CXADR: variants seen among roughly 807,000 people sequenced by gnomAD.
CXADR encodes CXADR cell adhesion molecule, also known as coxsackievirus and adenovirus receptor.
In CXADR, 20 loss-of-function variants were observed where a neutral mutation model predicts 40.3. That is an observed-to-expected ratio of 0.50 (90% CI 0.35 to 0.72). The LOEUF (loss-of-function observed/expected upper bound fraction) is 0.72. Ranked by LOEUF, CXADR falls within the 30% of genes least tolerant of loss-of-function variation. CXADR has a pLI of 0.01. For missense variants in CXADR, 332 were observed against 449.1 expected (o/e 0.74, Z 2.36); for synonymous variants, 150 against 161.3 (o/e 0.93, Z 0.53).
At chr21:17,602,666 A>T in the CXADR span, among the ~76,000 whole-genome samples, 5 of 152,202 alleles carry the variant, frequency 3.3e-5, no homozygotes, top group African/African-American at 1.2e-4. Flanking sequence ...TGGCAAATTT[A>T]CATATAAATT....
intron 7 of CXADR, among the ~76,000 whole-genome samples, chr21:17,579,826 C>T (rs1385854249): frequency 6.6e-6 from 1 of 151,766 alleles, no homozygotes; most frequent in African/African-American, 2.4e-5. Context: ...AGAGTAAGTG[C>T]TCAATAAAAG....
At chr21:17,576,438 CA>C (rs1044238334) in intron 7 of CXADR, among the ~76,000 whole-genome samples, 1 of 152,134 alleles carries the variant, frequency 6.6e-6, no homozygotes, top group African/African-American at 2.4e-5. Flanking sequence ...TTGCTGTTTA[CA>C]TATGTCAAGT....
chr21:17,526,229 C>G (rs1284853087), intron 1 of CXADR, among the ~76,000 whole-genome samples: 1 of 152,050 alleles, frequency 6.6e-6, no homozygotes, highest in East Asian at 1.9e-4. Context: ...AGTGTGCCAT[C>G]AAAACAGCTT....
the CXADR span, among the ~76,000 whole-genome samples, chr21:17,631,542 T>C: frequency 0.02 from 3,075 of 152,344 alleles, 154 homozygotes; most frequent in East Asian, 0.15. Context: ...TGATGAATTC[T>C]AAATATACTA....
the CXADR span, among the ~76,000 whole-genome samples, chr21:17,607,647 C>A: frequency 2.5e-3 from 379 of 152,310 alleles, no homozygotes; most frequent in African/African-American, 8.5e-3. Context: ...CTTGCAAGAG[C>A]CCAGTGGCAG....
At chr21:17,560,612 T>A (rs974909276) in intron 4 of CXADR, 90 bp from the exon 5 acceptor site, 32 of 1,310,898 alleles carry the variant, frequency 2.4e-5, no homozygotes, top group Non-Finnish European at 3.1e-5. Context: ...TTAACTGGAT[T>A]GTTTAATTTG....
chr21:17,530,468 T>G (rs778382344), intron 1 of CXADR: 4 of 453,182 alleles, frequency 8.8e-6, no homozygotes, highest in African/African-American at 6.0e-5. Flanking sequence ...ACAATTGATT[T>G]ATTTATTCTA....
chr21:17,514,679 G>A (rs1159842823), intron 1 of CXADR, among the ~76,000 whole-genome samples: 3 of 151,352 alleles, frequency 2.0e-5, no homozygotes, highest in African/African-American at 7.3e-5. Flanking sequence ...TGTTGCACAG[G>A]CTGGAGTGCA....
chr21:17,532,084 C>A (rs1465173073), intron 1 of CXADR, among the ~76,000 whole-genome samples: 1 of 152,026 alleles, frequency 6.6e-6, no homozygotes, highest in South Asian at 2.1e-4. Flanking sequence ...GCATGCACCA[C>A]CACGTACAAC....
chr21:17,537,130 T>C (rs1455996247), intron 1 of CXADR, among the ~76,000 whole-genome samples: 1 of 152,244 alleles, frequency 6.6e-6, no homozygotes, highest in Non-Finnish European at 1.5e-5. Flanking sequence ...AAGGGACTTT[T>C]ACACATAGAA....
chr21:17,559,689 T>C (rs2123303245), intron 4 of CXADR, among the ~76,000 whole-genome samples: 1 of 137,014 alleles, frequency 7.3e-6, no homozygotes, highest in Admixed American at 7.6e-5. Flanking sequence ...TTTTTTTTTT[T>C]TTCCGAGACA....
At position 17,567,628 on chromosome 21, in the gene CXADR, C is replaced by T. The variant is rs570125810; in HGVS notation, c.*1936C>T. The stretch of plus-strand genomic sequence containing the variant: ...AAAGGTTTAGAAATTTCAATATTCC[C>T]AACACTCTATGTTTCTGATTTTATA... On this transcript the variant is annotated 3_prime_UTR_variant, in exon 7 of 7. Coordinates refer to ENST00000284878, the MANE Select transcript of CXADR (RefSeq NM_001338.5). The T allele has an allele frequency of 1.9e-4, 182 of 983,272 alleles. 3 individuals carry two copies. The South Asian group carries it at 7.8e-3, about 42-fold the overall frequency. The allele number at this position is 983,272 out of a possible 1,614,324, so 60.9% of individuals were successfully genotyped here.
the CXADR span, among the ~76,000 whole-genome samples, chr21:17,618,081 G>A: frequency 5.3e-5 from 8 of 152,262 alleles, no homozygotes; most frequent in South Asian, 4.2e-4. Flanking sequence ...GCCAGGCACC[G>A]TGGCTCACAC....
chr21:17,518,946 C>G, intron 1 of CXADR: 1 of 1,608,592 alleles, frequency 6.2e-7, no homozygotes, highest in Admixed American at 1.7e-5. Context: ...TACCCTTGCC[C>G]CCTATCCGGA....
intron 1 of CXADR, among the ~76,000 whole-genome samples, chr21:17,537,763 G>GC (rs1318875397): frequency 4.0e-5 from 6 of 151,798 alleles, no homozygotes; most frequent in African/African-American, 1.5e-4. Context: ...ATTTTGCTCT[G>GC]CTAAAAAAAA....
intron 1 of CXADR, among the ~76,000 whole-genome samples, chr21:17,533,651 T>C (rs1457566968): frequency 6.6e-6 from 1 of 151,766 alleles, no homozygotes; most frequent in Non-Finnish European, 1.5e-5. Flanking sequence ...GTGTAGGGCA[T>C]TTTGAAAAGT....
chr21:17,560,946 TTTGA>T, intron 5 of CXADR, 122 bp downstream of exon 5: 1 of 1,403,730 alleles, frequency 7.1e-7, no homozygotes, highest in African/African-American at 1.4e-5. Context: ...AACACTGTGG[TTTGA>T]TTATTAGCTT....
intron 7 of CXADR, chr21:17,576,989 A>C (rs367691361): frequency 2.0e-5 from 3 of 152,228 alleles, no homozygotes; most frequent in African/African-American, 7.2e-5. Flanking sequence ...ATAGTTAAAA[A>C]TATGTTACAT....
At position 17,567,241 on chromosome 21, in the gene CXADR, G is replaced by A. The variant is rs111627166; in HGVS notation, c.*1549G>A. The A allele has an allele frequency of 1.0e-6, 1 of 985,322 alleles. No individual in the cohort carries two copies. Among genetic ancestry groups the A allele is most frequent in the Non-Finnish European group, 1.2e-6 (1 of 829,894 alleles). The allele number at this position is 985,322 out of a possible 1,614,324, so 61.0% of individuals were successfully genotyped here. On this transcript the variant is annotated 3_prime_UTR_variant, in exon 7 of 7. Coordinates refer to ENST00000284878, the MANE Select transcript of CXADR (RefSeq NM_001338.5). Reference sequence around the variant, plus strand: ...TGGTGGTAAATGCTATATTATGAACGGTGGCATGTATTTACAGTTAGAGTA... The same window carrying A: ...TGGTGGTAAATGCTATATTATGAACAGTGGCATGTATTTACAGTTAGAGTA...
Sources: gnomAD v4.1 joint callset for allele counts (sites outside exome capture counted in the v4.1 genomes callset) on GRCh38, gnomAD v4.1.1 for gene constraint, MANE v1.5 for transcripts, NCBI Gene and HGNC (gene_info 2026-07-23, HGNC 2026-07-21) for gene names.